The following SNX8 variants were observed in gnomAD, a reference collection of about 807,000 sequenced individuals.
SNX8 encodes the protein sorting nexin-8.
A neutral mutation model predicts 51.6 loss-of-function variants in SNX8; 25 were observed. The ratio of observed to expected loss-of-function variants is 0.48; its 90% CI spans 0.35 to 0.68. The LOEUF is 0.68. SNX8 is among the 30% of genes least tolerant of loss of function. The pLI, the probability that SNX8 is intolerant of heterozygous loss-of-function variation, is 0.00. For missense variants in SNX8, 695 were observed against 624.0 expected (o/e 1.11, Z -1.21); for synonymous variants, 324 against 277.0 (o/e 1.17, Z -1.68).
chr7:2,258,713 G>A (rs977465304), intron 7 of SNX8, among the ~76,000 whole-genome samples: 1 of 152,072 alleles, frequency 6.6e-6, no homozygotes, highest in African/African-American at 2.4e-5. Flanking sequence ...GAAGAGAGGC[G>A]GCCGCCCCAG....
At chr7:2,256,771 C>T in intron 10 of SNX8, 103 bp downstream of exon 10, 1 of 1,208,454 alleles carries the variant, frequency 8.3e-7, no homozygotes, top group Non-Finnish European at 1.1e-6. Context: ...CACTAAAGAA[C>T]CTCTCTAGGG....
At chr7:2,336,276 C>T (rs1778827376) in intron 1 of SNX8, among the ~76,000 whole-genome samples, 1 of 151,970 alleles carries the variant, frequency 6.6e-6, no homozygotes. Context: ...TGGCGCAGGC[C>T]TGTAATCCCA....
At chr7:2,297,550 C>CA (rs145543350) in intron 1 of SNX8, among the ~76,000 whole-genome samples, 4,217 of 40,182 alleles carry the variant, frequency 0.1, 815 homozygotes, top group Middle Eastern at 0.2. Flanking sequence ...AACCCCGCCG[C>CA]AAAAAAAAAA....
chr7:2,267,732 A>C (rs1795506264), intron 5 of SNX8, among the ~76,000 whole-genome samples: 1 of 141,206 alleles, frequency 7.1e-6, no homozygotes, highest in Non-Finnish European at 1.6e-5. Context: ...CCCGGCCGCC[A>C]CCCCGTCTGG....
At chr7:2,265,049 A>G (rs776296873) in intron 5 of SNX8, among the ~76,000 whole-genome samples, 1 of 151,864 alleles carries the variant, frequency 6.6e-6, no homozygotes, top group Non-Finnish European at 1.5e-5. Flanking sequence ...CAAACAAACC[A>G]ACAAAACACT....
In SNX8 at chr7:2,271,967, G is replaced by C; in HGVS notation, c.423C>G (p.Asp141Glu). Reference sequence around the variant, plus strand: ...TCCTCCTGGCCTCGATGAACTCCCTGTCAGCTGGAGGAGCACACGGGGTCA... The same window carrying C: ...TCCTCCTGGCCTCGATGAACTCCCTCTCAGCTGGAGGAGCACACGGGGTCA... ...ALPPKRMLGA[D>E]REFIEARRRA... The change falls in exon 4 of 11, where the codon GAC (aspartate) becomes GAG (glutamate). Residue 141 changes from aspartate to glutamate, a missense_variant. Transcript: ENST00000222990. The C allele has an allele frequency of 6.2e-7, 1 of 1,614,026 alleles. No individual in the cohort carries two copies. The highest frequency in any genetic ancestry group is 8.5e-7 in the Non-Finnish European group (1 of 1,179,994).
At chr7:2,273,901 GT>G (rs1795711021) in intron 3 of SNX8, among the ~76,000 whole-genome samples, 1 of 144,754 alleles carries the variant, frequency 6.9e-6, no homozygotes, top group African/African-American at 2.6e-5. Flanking sequence ...GAGACTCCAT[GT>G]AAAAAAAAAA....
At chr7:2,334,481 TG>T (rs1170437437) in intron 1 of SNX8, among the ~76,000 whole-genome samples, 1 of 151,492 alleles carries the variant, frequency 6.6e-6, no homozygotes, top group Non-Finnish European at 1.5e-5. Flanking sequence ...GCGGATCACT[TG>T]AGGTCAGGAG....
chr7:2,274,714 C>T (rs994208363), intron 3 of SNX8, among the ~76,000 whole-genome samples: 4 of 152,248 alleles, frequency 2.6e-5, no homozygotes. Context: ...ATGGCTCAGG[C>T]TGCCATGGCT....
chr7:2,257,561 C>T, intron 8 of SNX8, 47 bp from the exon 9 acceptor site: 1 of 1,595,564 alleles, frequency 6.3e-7, no homozygotes, highest in Non-Finnish European at 8.5e-7. Flanking sequence ...ATGCCTGCGC[C>T]AGGGCCCTGC....
intron 1 of SNX8, among the ~76,000 whole-genome samples, chr7:2,333,082 A>T (rs1157674589): frequency 6.7e-6 from 1 of 150,310 alleles, no homozygotes; most frequent in Non-Finnish European, 1.5e-5. Context: ...TGTTTCTTTT[A>T]AATTTAAAAA....
chr7:2,286,954 C>T (rs950018352), intron 1 of SNX8, among the ~76,000 whole-genome samples: 4 of 151,516 alleles, frequency 2.6e-5, no homozygotes, highest in Non-Finnish European at 5.9e-5. Flanking sequence ...GCCTGGCCAA[C>T]ATGGTGAAAC....
Position 2,349,183 on chromosome 7 carries a change from G to A in SNX8, c.-66+5039C>T, listed in dbSNP as rs113687459. ...CACACCACTGCACTCCAGCCTGGGT[G>A]ACAGAGTGAGGCTCCGTCTCAAAAA... On this transcript the variant is annotated intron_variant, in intron 1 of 5. Transcript: ENST00000435336. Among the ~76,000 whole-genome samples the A allele has an allele frequency of 9.5e-3, 1,403 of 147,284 alleles. 20 individuals carry two copies. The highest frequency in any genetic ancestry group is 0.033 in the African/African-American group (1,330 of 40,108).
intron 7 of SNX8, among the ~76,000 whole-genome samples, chr7:2,262,185 G>T (rs370212869): frequency 2.0e-5 from 3 of 152,124 alleles, no homozygotes; most frequent in African/African-American, 7.2e-5. Flanking sequence ...CTACAGACAC[G>T]CACCACCACC....
chr7:2,267,274 T>C (rs926727397), intron 5 of SNX8, among the ~76,000 whole-genome samples: 1 of 151,704 alleles, frequency 6.6e-6, no homozygotes, highest in African/African-American at 2.4e-5. Context: ...AGGGATGTAC[T>C]CTTCAAAGTT....
chr7:2,324,270 C>T (rs1247302101), intron 1 of SNX8, among the ~76,000 whole-genome samples: 2 of 151,554 alleles, frequency 1.3e-5, no homozygotes, highest in African/African-American at 4.8e-5. Flanking sequence ...CGTAGTGACA[C>T]CCCATCTCTA....
chr7:2,332,030 C>A (rs1464277177), intron 1 of SNX8, among the ~76,000 whole-genome samples: 2 of 151,990 alleles, frequency 1.3e-5, no homozygotes, highest in South Asian at 2.1e-4. Flanking sequence ...CATAGCAAGA[C>A]CCTGTCTCTA....
chr7:2,289,605 G>A (rs1018425454), intron 1 of SNX8, among the ~76,000 whole-genome samples: 3 of 152,032 alleles, frequency 2.0e-5, no homozygotes. Context: ...CAGAGAGGAA[G>A]CAAAAATTCT....
chr7:2,334,106 C>T (rs886679886), intron 1 of SNX8, among the ~76,000 whole-genome samples: 1 of 152,056 alleles, frequency 6.6e-6, no homozygotes, highest in African/African-American at 2.4e-5. Context: ...TCAGTCTCTA[C>T]AAATAATTTT....
Sources: allele counts gnomAD v4.1 joint callset (sites outside exome capture counted in the v4.1 genomes callset), GRCh38; gene constraint gnomAD v4.1.1; transcripts MANE v1.5; gene names NCBI Gene and HGNC (gene_info 2026-07-23, HGNC 2026-07-21).